CD2: variants seen among roughly 807,000 people sequenced by gnomAD.
The protein encoded by CD2 is T-cell surface antigen CD2.
CD2 carries 18 observed loss-of-function variants against 23.2 expected under a neutral mutation model. That is an observed-to-expected ratio of 0.77 (90% CI 0.54 to 1.15). The LOEUF (loss-of-function observed/expected upper bound fraction) is 1.15. Among genes scored for constraint, CD2 ranks in the 50% most tolerant of loss-of-function variants. CD2 has a pLI of 0.00. For missense variants in CD2, 424 were observed against 423.1 expected (o/e 1.00, Z -0.02); for synonymous variants, 162 against 151.9 (o/e 1.07, Z -0.49).
chr1:116,762,614 T>A (rs1652091360), intron 3 of CD2, among the ~76,000 whole-genome samples: 1 of 152,186 alleles, frequency 6.6e-6, no homozygotes, highest in African/African-American at 2.4e-5. Flanking sequence ...AGTGTTTACA[T>A]ACTTAAAATC....
rs118037710 is a variant in CD2 at position 116,768,915 on chromosome 1, C to T, written c.*132C>T. On this transcript the variant is annotated 3_prime_UTR_variant, in exon 5 of 5. Coordinates refer to ENST00000369478, the MANE Select transcript of CD2 (RefSeq NM_001767.5). ...ACCTCCTGAGGCTGTGGGCCACAGCCACCTCTGCATCTTCGAACTCAGCCA... is the reference window on the plus strand; with the variant it reads ...ACCTCCTGAGGCTGTGGGCCACAGCTACCTCTGCATCTTCGAACTCAGCCA... 1.2e-3 allele frequency: 1,077 copies of T among 885,864 alleles called. 30 individuals carry two copies. In the East Asian group the frequency reaches 0.028, roughly 23 times the overall value. The allele number at this position is 885,864 out of a possible 1,614,324, so 54.9% of individuals were successfully genotyped here. A position where few individuals can be genotyped will look rare whatever the true frequency, so the allele number is the denominator to read the frequency against.
chr1:116,754,866 C>G lies in CD2; in HGVS notation c.297C>G (p.Thr99=), dbSNP rs41275574. ...NGTLKIKHLK[T]DDQDIYKVSI... is the part of the protein sequence containing the mutation. ...CTCTGAAAATTAAGCATCTGAAGAC[C>G]GATGATCAGGATATCTACAAGGTAT... The change falls in exon 2 of 5, where the codon ACC becomes ACG. Residue 99 remains threonine, a synonymous_variant. Transcript: ENST00000369478. 4.3e-6 allele frequency: 7 copies of G among 1,611,728 alleles called. No individual in the cohort carries two copies. The Admixed American group carries it at 1.2e-4, about 27-fold the overall frequency.
intron 4 of CD2, among the ~76,000 whole-genome samples, chr1:116,765,794 T>A (rs532720444): frequency 6.6e-6 from 1 of 152,358 alleles, no homozygotes; most frequent in East Asian, 1.9e-4. Flanking sequence ...GGACCTCACT[T>A]GTCACCCCAA....
At chr1:116,755,842 A>G (rs1043849790) in intron 2 of CD2, among the ~76,000 whole-genome samples, 1 of 152,130 alleles carries the variant, frequency 6.6e-6, no homozygotes, top group African/African-American at 2.4e-5. Flanking sequence ...AATGCCATTG[A>G]AGTTGAAAGC....
chr1:116,768,412 A>G (rs1179397035), intron 4 of CD2, 52 bp from the exon 5 acceptor site: 6 of 1,541,056 alleles, frequency 3.9e-6, no homozygotes, highest in Non-Finnish European at 5.3e-6. Flanking sequence ...CTCAATATTT[A>G]CATTGATTTC....
At chr1:116,764,401 T>C in intron 3 of CD2, 83 bp from the exon 4 acceptor site, 2 of 1,554,978 alleles carry the variant, frequency 1.3e-6, no homozygotes, top group South Asian at 1.3e-5. Context: ...ATCTGCTTGA[T>C]GCAGGAGGCA....
chr1:116,764,165 T>C (rs541946887), intron 3 of CD2, among the ~76,000 whole-genome samples: 3 of 152,318 alleles, frequency 2.0e-5, no homozygotes, highest in South Asian at 4.2e-4. Flanking sequence ...AGAGTATCTC[T>C]AAGATCCTCG....
chr1:116,765,812 C>T (rs1204657008), intron 4 of CD2, among the ~76,000 whole-genome samples: 4 of 152,240 alleles, frequency 2.6e-5, no homozygotes, highest in Admixed American at 1.3e-4. Context: ...CAAGACAAGG[C>T]AATCTCTGCC....
chr1:116,768,558 A>G lies in CD2; in HGVS notation c.831A>G (p.Ala277=), dbSNP rs1652288860. ...QIPASTPQNP[A]TSQHPPPPPG... ...CAGCTTCAACCCCTCAGAATCCAGC[A>G]ACTTCCCAACATCCTCCTCCACCAC... The change falls in exon 5 of 5, where the codon GCA becomes GCG. Residue 277 remains alanine, a synonymous_variant. Coordinates refer to ENST00000369478, the MANE Select transcript of CD2 (RefSeq NM_001767.5). 6.2e-7 allele frequency: 1 copy of G among 1,613,990 alleles called. No homozygotes were observed. The highest frequency in any genetic ancestry group is 1.7e-5 in the Admixed American group (1 of 60,006).
In CD2 at chr1:116,764,376, C is replaced by T. The variant is rs1326203711; in HGVS notation, c.614-108C>T. 21 of 1,495,680 alleles carry T rather than the reference C, an allele frequency of 1.4e-5. No homozygotes were observed. In the East Asian group the frequency reaches 4.8e-4, roughly 34 times the overall value. 92.7% of individuals were successfully genotyped at this position (1,495,680 alleles called of 1,614,324 possible). ...CCTGGGAGTTATGGGGTGAAAGGTC[C>T]CAACAAGCTCTTCTATCTGCTTGAT... On this transcript the variant is annotated intron_variant, in intron 3 of 4. Coordinates refer to ENST00000369478, the MANE Select transcript of CD2 (RefSeq NM_001767.5).
chr1:116,756,619 A>C (rs1173157797), intron 2 of CD2, among the ~76,000 whole-genome samples: 1 of 152,008 alleles, frequency 6.6e-6, no homozygotes, highest in Admixed American at 6.6e-5. Context: ...TCTACCATTC[A>C]ATTTGTCCAT....
chr1:116,755,693 T>A (rs969777466), intron 2 of CD2, among the ~76,000 whole-genome samples: 1 of 152,074 alleles, frequency 6.6e-6, no homozygotes, highest in Admixed American at 6.6e-5. Context: ...CCTGGGGGAT[T>A]CTAATGAGCT....
chr1:116,758,182 T>G (rs950117411), intron 2 of CD2, among the ~76,000 whole-genome samples: 1 of 152,120 alleles, frequency 6.6e-6, no homozygotes, highest in Admixed American at 6.5e-5. Context: ...TAATTTTTAA[T>G]CTGCTTTAAA....
intron 4 of CD2, 62 bp from the exon 5 acceptor site, chr1:116,768,402 C>T (rs1381599204): frequency 4.0e-6 from 6 of 1,491,076 alleles, no homozygotes; most frequent in Non-Finnish European, 5.5e-6. Context: ...ATAAAAGGTA[C>T]TCAATATTTA....
At chr1:116,757,010 T>A (rs1452217656) in intron 2 of CD2, among the ~76,000 whole-genome samples, 1 of 150,376 alleles carries the variant, frequency 6.6e-6, no homozygotes, top group Admixed American at 6.6e-5. Context: ...TTTTTTTTTT[T>A]AATTGAGATG....
At chr1:116,758,159 G>A (rs1651919784) in intron 2 of CD2, among the ~76,000 whole-genome samples, 1 of 151,970 alleles carries the variant, frequency 6.6e-6, no homozygotes, top group African/African-American at 2.4e-5. Context: ...ACTTTGAGTG[G>A]TGGCGTTGTG....
intron 3 of CD2, among the ~76,000 whole-genome samples, chr1:116,761,669 T>C (rs147451884): frequency 2.0e-5 from 3 of 152,278 alleles, no homozygotes; most frequent in African/African-American, 7.2e-5. Flanking sequence ...TCAGAGGGGA[T>C]TGCACATAGG....
chr1:116,756,628 A>T (rs137944386), intron 2 of CD2, among the ~76,000 whole-genome samples: 2 of 152,228 alleles, frequency 1.3e-5, no homozygotes, highest in Non-Finnish European at 2.9e-5. Flanking sequence ...CAATTTGTCC[A>T]TATACTAAAA....
chr1:116,762,966 G>A (rs555711356), intron 3 of CD2, among the ~76,000 whole-genome samples: 59 of 152,306 alleles, frequency 3.9e-4, no homozygotes, highest in Admixed American at 6.5e-4. Context: ...GCATGACTTA[G>A]CCATGTGCTC....
Sources: allele counts gnomAD v4.1 joint callset (sites outside exome capture counted in the v4.1 genomes callset), GRCh38; gene constraint gnomAD v4.1.1; transcripts MANE v1.5; gene names NCBI Gene and HGNC (gene_info 2026-07-23, HGNC 2026-07-21).